Variants in MBTPS1 observed in about 807,000 individuals in gnomAD.
MBTPS1 encodes membrane bound transcription factor peptidase, site 1, also known as membrane-bound transcription factor site-1 protease.
MBTPS1 carries 94 observed loss-of-function variants against 127.8 expected under a neutral mutation model. The ratio of observed to expected loss-of-function variants is 0.74; its 90% confidence interval spans 0.62 to 0.87. The LOEUF is 0.87. Ranked by LOEUF, MBTPS1 falls within the 40% of genes least tolerant of loss-of-function variation. The pLI is 0.00. For missense variants in MBTPS1, 1,636 were observed against 1,353.2 expected (o/e 1.21, Z -3.28); for synonymous variants, 632 against 509.4 (o/e 1.24, Z -3.24).
Position 84,081,838 on chromosome 16 carries a change from G to A in MBTPS1, c.1357C>T (p.Leu453Phe). Residue 453 changes from leucine (L) to phenylalanine (F), a missense_variant, in exon 11 of 23, where the codon CTC becomes TTC. Coordinates refer to ENST00000343411, the MANE Select transcript of MBTPS1 (RefSeq NM_003791.4). ...KQALIASARR[L>F]PGVNMFEQGH... ...TGCTCAAACATGTTGACCCCGGGGA[G>A]CCTCCGGGCTGACGCGATCAGGGCC... 2.0e-6 allele frequency: 3 copies of A among 1,532,352 alleles called. No individual in the cohort carries two copies. Among genetic ancestry groups the A allele is most frequent in the Non-Finnish European group, 1.8e-6 (2 of 1,137,890 alleles). The allele number at this position is 1,532,352 out of a possible 1,614,324, so 94.9% of individuals were successfully genotyped here. A position where few individuals can be genotyped will look rare whatever the true frequency, so the allele number is the denominator to read the frequency against.
chr16:84,081,314 G>T (rs988567024), intron 11 of MBTPS1, among the ~76,000 whole-genome samples: 1 of 152,208 alleles, frequency 6.6e-6, no homozygotes, highest in African/African-American at 2.4e-5. Context: ...GATGTATGTG[G>T]TCTGCAGGTG....
Position 84,081,891 on chromosome 16 carries a change from T to A in MBTPS1, c.1304A>T (p.Glu435Val), listed in dbSNP as rs755657791. The A allele has an allele frequency of 6.9e-7, 1 of 1,446,686 alleles. No individual in the cohort carries two copies. Among genetic ancestry groups the A allele is most frequent in the South Asian group, 1.5e-5 (1 of 66,112 alleles). The allele number at this position is 1,446,686 out of a possible 1,614,324, so 89.6% of individuals were successfully genotyped here. A position where few individuals can be genotyped will look rare whatever the true frequency, so the allele number is the denominator to read the frequency against. ...CTTCATACTGGCGGGATTCACCAGC[T>A]CACGCTTCTGGACTGTGCTGGAGGA... The part of the protein sequence containing the change: ...TLLVSTVQKR[E>V]LVNPASMKQA... The change falls in exon 11 of 23, where the codon GAG becomes GTG. Residue 435 changes from glutamate to valine, a missense_variant. Coordinates refer to ENST00000343411, the MANE Select transcript of MBTPS1 (RefSeq NM_003791.4).
At chr16:84,106,627 C>T (rs746059451) in intron 1 of MBTPS1, among the ~76,000 whole-genome samples, 4 of 152,216 alleles carry the variant, frequency 2.6e-5, no homozygotes, top group Admixed American at 6.5e-5. Flanking sequence ...CTGCAGGTCA[C>T]AGAAAGGACT....
At position 84,102,462 on chromosome 16, in the gene MBTPS1, G is replaced by GC. The variant is rs572313545; in HGVS notation, c.-324-356dup. ...GCTTTCACGGGAAAATTTTTTTTAG[G>GC]CATCTTCAAAAATAAAACAATAAAA... On this transcript the variant is annotated intron_variant, in intron 1 of 22. Transcript: ENST00000343411. Among the ~76,000 whole-genome samples, 251 of 151,472 alleles carry GC rather than the reference G, an allele frequency of 1.7e-3. 2 individuals carry two copies. Among genetic ancestry groups the GC allele is most frequent in the Non-Finnish European group, 3.0e-3 (207 of 67,896 alleles).
At chr16:84,102,760 A>G (rs925178597) in intron 1 of MBTPS1, among the ~76,000 whole-genome samples, 3 of 152,236 alleles carry the variant, frequency 2.0e-5, no homozygotes, top group Non-Finnish European at 4.4e-5. Context: ...CTAACAGCAA[A>G]GTAATTTCCC....
At chr16:84,076,373 G>C (rs1218436781) in intron 11 of MBTPS1, among the ~76,000 whole-genome samples, 1 of 152,082 alleles carries the variant, frequency 6.6e-6, no homozygotes, top group Admixed American at 6.5e-5. Context: ...TTTCCATTAA[G>C]ATTAGGAACA....
In MBTPS1 at chr16:84,075,540, G is replaced by C. The variant is rs566325257; in HGVS notation, c.1449-799C>G. On this transcript the variant is annotated intron_variant, in intron 11 of 22. Transcript: ENST00000343411. ...ACGTGACCCACGATGGCCTCCCTGAGAGCACCAGGCATACGTGGATCCTGC... is the reference window on the plus strand; with the variant it reads ...ACGTGACCCACGATGGCCTCCCTGACAGCACCAGGCATACGTGGATCCTGC... 3.0e-4 allele frequency: 45 copies of C among 152,380 alleles called. 1 individual carries two copies. Among genetic ancestry groups the C allele is most frequent in the African/African-American group, 9.6e-4 (40 of 41,572 alleles). The allele number at this position is 152,380 out of a possible 1,614,324, so 9.4% of individuals were successfully genotyped here. A position where few individuals can be genotyped will look rare whatever the true frequency, so the allele number is the denominator to read the frequency against.
At position 84,095,822 on chromosome 16, in the gene MBTPS1, G is replaced by T. The variant is rs751200834; in HGVS notation, c.422-17C>A. The stretch of plus-strand genomic sequence containing the variant: ...TGGGGTCAGCTACAGGCAAGGGAGA[G>T]AAAGATCAGAACAGAAGAGCAAAAC... On this transcript the variant is annotated splice_polypyrimidine_tract_variant and intron_variant, in intron 3 of 22. Coordinates refer to ENST00000343411, the MANE Select transcript of MBTPS1 (RefSeq NM_003791.4). The T allele has an allele frequency of 2.5e-6, 4 of 1,608,412 alleles. No individual in the cohort carries two copies. Among genetic ancestry groups the T allele is most frequent in the Non-Finnish European group, 3.4e-6 (4 of 1,176,538 alleles).
chr16:84,084,291 C>A (rs1276695239), intron 10 of MBTPS1, among the ~76,000 whole-genome samples: 1 of 152,178 alleles, frequency 6.6e-6, no homozygotes, highest in Non-Finnish European at 1.5e-5. Context: ...TCATTATCTG[C>A]AAGATTAAGG....
chr16:84,070,054 A>G lies in MBTPS1; in HGVS notation c.1783-16T>C. The G allele has an allele frequency of 1.3e-6, 2 of 1,555,908 alleles. No homozygotes were observed. The highest frequency in any genetic ancestry group is 1.7e-6 in the Non-Finnish European group (2 of 1,158,144). The stretch of plus-strand genomic sequence containing the variant: ...CATTTTTTGACTAAAAAAAAAGAAA[A>G]GAAACTTGAAACGCCCTCATTGTGC... On this transcript the variant is annotated splice_polypyrimidine_tract_variant and intron_variant, in intron 13 of 22. Transcript: ENST00000343411.
At chr16:84,114,559 G>C (rs750162687) in intron 1 of MBTPS1, among the ~76,000 whole-genome samples, 3 of 151,864 alleles carry the variant, frequency 2.0e-5, no homozygotes, top group African/African-American at 4.8e-5. Flanking sequence ...AGCTGGGCGC[G>C]GTAGCTCACG....
chr16:84,116,090 C>T (rs1417803053), intron 1 of MBTPS1, among the ~76,000 whole-genome samples: 2 of 152,176 alleles, frequency 1.3e-5, no homozygotes, highest in Non-Finnish European at 2.9e-5. Flanking sequence ...AGGTCGTATT[C>T]CACTCCACGT....
intron 8 of MBTPS1, among the ~76,000 whole-genome samples, chr16:84,087,756 C>T (rs2086051746): frequency 6.6e-6 from 1 of 152,212 alleles, no homozygotes; most frequent in Non-Finnish European, 1.5e-5. Context: ...CTCCAGCAAT[C>T]CAAGCCTTAA....
At chr16:84,089,326 A>G (rs1163359454) in intron 8 of MBTPS1, among the ~76,000 whole-genome samples, 1 of 152,256 alleles carries the variant, frequency 6.6e-6, no homozygotes, top group East Asian at 1.9e-4. Context: ...TTACACATAT[A>G]TCACCCGCAG....
At chr16:84,077,135 C>A (rs112054268) in intron 11 of MBTPS1, among the ~76,000 whole-genome samples, 8,090 of 150,250 alleles carry the variant, frequency 0.054, 495 homozygotes, top group African/African-American at 0.16. Context: ...TGAGACGGGA[C>A]AGTCACCTGA....
In MBTPS1 at chr16:84,065,786, A is replaced by G; in HGVS notation, c.2354-19T>C. The G allele has an allele frequency of 6.6e-7, 1 of 1,511,252 alleles. No homozygotes were observed. The highest frequency in any genetic ancestry group is 8.9e-7 in the Non-Finnish European group (1 of 1,118,058). The allele number at this position is 1,511,252 out of a possible 1,614,324, so 93.6% of individuals were successfully genotyped here. A position where few individuals can be genotyped will look rare whatever the true frequency, so the allele number is the denominator to read the frequency against. ...TAATACACTAGGAAAGAGTGTTCAAAGTCAAGGGAACACAGGAACGCCGAA... is the reference window on the plus strand; with the variant it reads ...TAATACACTAGGAAAGAGTGTTCAAGGTCAAGGGAACACAGGAACGCCGAA... On this transcript the variant is annotated intron_variant, in intron 17 of 22. Coordinates refer to ENST00000343411, the MANE Select transcript of MBTPS1 (RefSeq NM_003791.4).
At position 84,073,667 on chromosome 16, in the gene MBTPS1, A is replaced by G. The variant is rs139021768; in HGVS notation, c.1593+930T>C. Among the ~76,000 whole-genome samples the G allele has an allele frequency of 4.3e-3, 642 of 149,396 alleles. 3 individuals are homozygous for G. The highest frequency in any genetic ancestry group is 0.014 in the Middle Eastern group (4 of 292). On this transcript the variant is annotated intron_variant, in intron 12 of 22. Coordinates refer to ENST00000343411, the MANE Select transcript of MBTPS1 (RefSeq NM_003791.4). ...TAGTTAAGATTTTTAAAAATTTACA[A>G]AACAATATTAAAAAAAAAAGACCGT...
At chr16:84,079,742 T>C (rs2085912366) in intron 11 of MBTPS1, among the ~76,000 whole-genome samples, 2 of 152,022 alleles carry the variant, frequency 1.3e-5, no homozygotes, top group South Asian at 2.1e-4. Context: ...GAAACAAGGA[T>C]AGGGAAAGGC....
At chr16:84,104,583 A>T (rs1395989962) in intron 1 of MBTPS1, among the ~76,000 whole-genome samples, 1 of 152,232 alleles carries the variant, frequency 6.6e-6, no homozygotes. Flanking sequence ...TAGTACTGAG[A>T]AAATCTTAGA....
Sources: gnomAD v4.1 joint callset for allele counts (sites outside exome capture counted in the v4.1 genomes callset) on GRCh38, gnomAD v4.1.1 for gene constraint, MANE v1.5 for transcripts, NCBI Gene and HGNC (gene_info 2026-07-23, HGNC 2026-07-21) for gene names.